Variants in GPR173 observed in about 807,000 individuals in gnomAD.
GPR173 encodes the protein probable G protein-coupled receptor 173.
In GPR173, 2 loss-of-function variants were observed where a neutral mutation model predicts 13.9. That is an observed-to-expected ratio of 0.14 (90% CI 0.06 to 0.45). The LOEUF (loss-of-function observed/expected upper bound fraction) is 0.45, where lower values mean the gene tolerates loss of function less well. GPR173 is among the 20% of genes least tolerant of loss of function. The probability of loss-of-function intolerance (pLI) is 0.98; values close to 1 mark genes in which losing one functional copy is unlikely to be tolerated. For missense variants in GPR173, 202 were observed against 340.5 expected (o/e 0.59, Z 3.20); for synonymous variants, 131 against 141.0 (o/e 0.93, Z 0.50).
intron 1 of GPR173, among the ~76,000 whole-genome samples, chrX:53,074,606 A>G (rs868973975): frequency 2.0e-5 from 1 of 50,803 alleles, no homozygotes; most frequent in African/African-American, 1.0e-4. Context: ...TTATTTATAA[A>G]TAACTATAAA....
intron 1 of GPR173, among the ~76,000 whole-genome samples, chrX:53,073,407 A>G (rs1043463250): frequency 1.8e-5 from 2 of 109,953 alleles, no homozygotes; most frequent in African/African-American, 3.3e-5. Context: ...TTTCTGCCCA[A>G]TTGCCTCACT....
chrX:53,076,841 G>A lies in GPR173; in HGVS notation c.220G>A (p.Val74Ile), dbSNP rs782090682. ...LCLADGIRSA[V>I]CFPFVLASVR... ...CCTGGCCGATGGCATACGCTCTGCC[G>A]TCTGCTTCCCCTTTGTGCTGGCTTC... The change falls in exon 2 of 2, where the codon GTC (valine) becomes ATC (isoleucine). Residue 74 changes from valine (V) to isoleucine (I), a missense_variant. Around this residue, in one of 3 missense-constraint regions of GPR173, gnomAD observed 98 missense variants for 137.2 expected, o/e 0.71. Transcript: ENST00000332582. The A allele has an allele frequency of 7.4e-5, 90 of 1,208,817 alleles. No individual in the cohort carries two copies. Among genetic ancestry groups the A allele is most frequent in the Middle Eastern group, 4.6e-4 (2 of 4,350 alleles).
chrX:53,063,962 A>G (rs1932159616), intron 1 of GPR173, among the ~76,000 whole-genome samples: 1 of 111,361 alleles, frequency 9.0e-6, no homozygotes, highest in Non-Finnish European at 1.9e-5. Flanking sequence ...CCACTTGGCA[A>G]TTACATTTTT....
intron 1 of GPR173, among the ~76,000 whole-genome samples, chrX:53,056,231 C>T (rs1426504189): frequency 3.7e-5 from 4 of 109,197 alleles, no homozygotes; most frequent in Admixed American, 2.0e-4. Flanking sequence ...ATTTGAGATG[C>T]GTGTATATGA....
chrX:53,059,998 C>A lies in GPR173; in HGVS notation c.-98+10514C>A, dbSNP rs782424838. On this transcript the variant is annotated intron_variant, in intron 1 of 1. Coordinates refer to ENST00000332582, the MANE Select transcript of GPR173 (RefSeq NM_018969.6). ...GCGAGACCCTGTCTCAAAAAAAAAACAAAACAAAGTGTATATTATATATAT... is the reference window on the plus strand; with the variant it reads ...GCGAGACCCTGTCTCAAAAAAAAAAAAAAACAAAGTGTATATTATATATAT... 6.3e-3 allele frequency among the ~76,000 whole-genome samples: 628 copies of A among 99,107 alleles called. 9 individuals are homozygous for A. Among genetic ancestry groups the A allele is most frequent in the African/African-American group, 0.023 (596 of 26,477 alleles). 86.1% of individuals were successfully genotyped at this position (99,107 alleles called of 115,157 possible). A position where few individuals can be genotyped will look rare whatever the true frequency, so the allele number is the denominator to read the frequency against.
intron 1 of GPR173, among the ~76,000 whole-genome samples, chrX:53,067,592 G>A (rs1202035301): frequency 2.7e-5 from 3 of 111,581 alleles, no homozygotes; most frequent in Non-Finnish European, 5.7e-5. Context: ...TTGGGAGGTC[G>A]AGGCGGGCGG....
In GPR173 at chrX:53,060,118, A is replaced by T. The variant is rs782759217; in HGVS notation, c.-98+10634A>T. Among the ~76,000 whole-genome samples, 194 of 108,780 alleles carry T rather than the reference A, an allele frequency of 1.8e-3. 1 individual carries two copies. The highest frequency in any genetic ancestry group is 5.9e-3 in the African/African-American group (175 of 29,898). 94.5% of individuals were successfully genotyped at this position (108,780 alleles called of 115,157 possible). A position where few individuals can be genotyped will look rare whatever the true frequency, so the allele number is the denominator to read the frequency against. On this transcript the variant is annotated intron_variant, in intron 1 of 1. Coordinates refer to ENST00000332582, the MANE Select transcript of GPR173 (RefSeq NM_018969.6). Reference sequence around the variant, plus strand: ...CCATAAAGTACACATTTCCCTGTAAACTCTCTACATATACACAAGAGGTAA... The same window carrying T: ...CCATAAAGTACACATTTCCCTGTAATCTCTCTACATATACACAAGAGGTAA...
chrX:53,077,068 C>G lies in GPR173; in HGVS notation c.447C>G (p.Thr149=). 8.3e-7 allele frequency: 1 copy of G among 1,209,775 alleles called. No individual in the cohort carries two copies. ...TCAAVICMAW[T]LSVAMAFPPV... ...CGGCTGTCATCTGCATGGCCTGGAC[C>G]CTGTCTGTGGCCATGGCCTTCCCAC... is the stretch of plus-strand genomic sequence containing the variant. Residue 149 remains threonine (T), a synonymous_variant, in exon 2 of 2, where the codon ACC becomes ACG. Transcript: ENST00000332582.
At chrX:53,056,168 G>T (rs896498592) in intron 1 of GPR173, among the ~76,000 whole-genome samples, 3 of 109,800 alleles carry the variant, frequency 2.7e-5, no homozygotes, top group African/African-American at 6.7e-5. Flanking sequence ...GAGAGTGTGG[G>T]TGTACTGAAT....
At chrX:53,053,130 G>C (rs1324481357) in intron 1 of GPR173, among the ~76,000 whole-genome samples, 1 of 112,783 alleles carries the variant, frequency 8.9e-6, no homozygotes, top group African/African-American at 3.2e-5. Flanking sequence ...CCATGTCTGA[G>C]TGTAAGCATA....
At chrX:53,074,754 T>G (rs1932399813) in intron 1 of GPR173, among the ~76,000 whole-genome samples, 1 of 94,634 alleles carries the variant, frequency 1.1e-5, no homozygotes, top group Non-Finnish European at 2.0e-5. Context: ...TAATTATATA[T>G]AAATATATAT....
chrX:53,072,072 T>TC (rs1556804816), intron 1 of GPR173, among the ~76,000 whole-genome samples: 1 of 105,815 alleles, frequency 9.5e-6, no homozygotes, highest in East Asian at 3.1e-4. Context: ...AGGAAAACCC[T>TC]CTCCTCACTT....
At chrX:53,060,449 G>A (rs1020514350) in intron 1 of GPR173, among the ~76,000 whole-genome samples, 7 of 108,551 alleles carry the variant, frequency 6.4e-5, no homozygotes, top group Non-Finnish European at 1.1e-4. Context: ...GCATGGTGGC[G>A]GGTGCCTGTA....
chrX:53,074,006 T>TTTATATATAAATAAATATAAATATA (rs1556805258), intron 1 of GPR173, among the ~76,000 whole-genome samples: 9 of 20,719 alleles, frequency 4.3e-4, no homozygotes, highest in Admixed American at 1.6e-3. Flanking sequence ...TAAATATATA[T>TTTATATATAAATAAATATAAATATA]TATACATAAA....
chrX:53,054,592 TGGG>T (rs1932007566), intron 1 of GPR173, among the ~76,000 whole-genome samples: 1 of 107,507 alleles, frequency 9.3e-6, no homozygotes, highest in Admixed American at 1.0e-4. Context: ...TGTTTGGGAT[TGGG>T]GGGGTGAGTG....
chrX:53,075,280 C>T (rs1190482185), intron 1 of GPR173, among the ~76,000 whole-genome samples: 2 of 107,377 alleles, frequency 1.9e-5, no homozygotes, highest in Non-Finnish European at 3.8e-5. Context: ...GGTCTGTGCT[C>T]AGATGACACT....
At chrX:53,071,623 G>A (rs1018631526) in intron 1 of GPR173, among the ~76,000 whole-genome samples, 2 of 111,921 alleles carry the variant, frequency 1.8e-5, no homozygotes, top group East Asian at 2.8e-4. Flanking sequence ...CATCCTCCCC[G>A]ACTCCTAAAT....
rs1362280227 is a variant in GPR173, at chrX:53,078,848, G to T, written c.*1105G>T. 8.1e-6 allele frequency: 1 copy of T among 123,339 alleles called. No homozygotes were observed. The highest frequency in any genetic ancestry group is 1.9e-5 in the Non-Finnish European group (1 of 53,257). The allele number at this position is 123,339 out of a possible 1,213,427, so 10.2% of individuals were successfully genotyped here. On this transcript the variant is annotated 3_prime_UTR_variant, in exon 2 of 2. Transcript: ENST00000332582. Reference sequence around the variant, plus strand: ...AAACTCCAAGGCACTGTGGACTTGAGTCCATTCCTATCTGACCTCTTTTTG... The same window carrying T: ...AAACTCCAAGGCACTGTGGACTTGATTCCATTCCTATCTGACCTCTTTTTG...
intron 1 of GPR173, among the ~76,000 whole-genome samples, chrX:53,073,989 A>T (rs373281277): frequency 3.5e-5 from 1 of 28,527 alleles, no homozygotes; most frequent in Non-Finnish European, 4.9e-5. Context: ...TTATATATAA[A>T]TATACATAAA....
Sources: gnomAD v4.1 joint callset for allele counts (sites outside exome capture counted in the v4.1 genomes callset) on GRCh38, gnomAD v4.1.1 for gene constraint, gnomAD v4.1.1 regional missense constraint, MANE v1.5 for transcripts, NCBI Gene and HGNC (gene_info 2026-07-23, HGNC 2026-07-21) for gene names.